GLMN: variants seen among roughly 807,000 people sequenced by gnomAD.
GLMN encodes glomulin, FKBP associated protein.
GLMN carries 75 observed loss-of-function variants against 87.8 expected under a neutral mutation model. The observed-to-expected ratio is 0.85, with a 90% CI of 0.71 to 1.04. The LOEUF is 1.04. Ranked by LOEUF, GLMN falls within the 50% of genes least tolerant of loss-of-function variation. The pLI is 0.00. For synonymous variants in GLMN, 206 were observed against 221.6 expected (o/e 0.93, Z 0.63); for missense variants, 588 against 658.8 (o/e 0.89, Z 1.18).
chr1:92,307,243 C>T, the GLMN span: 3 of 1,612,238 alleles, frequency 1.9e-6, no homozygotes, highest in Non-Finnish European at 2.5e-6. Context: ...GCACAAATTC[C>T]CAAAACTCCA....
intron 16 of GLMN, among the ~76,000 whole-genome samples, chr1:92,261,834 CAG>C (rs1655088536): frequency 6.6e-6 from 1 of 151,858 alleles, no homozygotes; most frequent in African/African-American, 2.4e-5. Context: ...GAGTGATAGA[CAG>C]AGGGTGGAGT....
chr1:92,331,817 G>A, the GLMN span, among the ~76,000 whole-genome samples: 3 of 151,852 alleles, frequency 2.0e-5, no homozygotes, highest in Admixed American at 2.0e-4. Flanking sequence ...ACTTCTCTTA[G>A]TATCAGTTGA....
intron 7 of GLMN, among the ~76,000 whole-genome samples, chr1:92,279,973 C>T (rs578026178): frequency 1.3e-5 from 2 of 152,358 alleles, no homozygotes; most frequent in Non-Finnish European, 2.9e-5. Flanking sequence ...ACAAACTGGG[C>T]GGAGCCCACC....
chr1:92,370,048 C>G, the GLMN span, among the ~76,000 whole-genome samples: 1 of 152,076 alleles, frequency 6.6e-6, no homozygotes, highest in African/African-American at 2.4e-5. Context: ...CCATGCCCAG[C>G]TAATTTTTGT....
chr1:92,275,124 C>A (rs946427500), intron 7 of GLMN, among the ~76,000 whole-genome samples: 1 of 152,224 alleles, frequency 6.6e-6, no homozygotes, highest in Admixed American at 6.5e-5. Context: ...CTCAGTACTA[C>A]TGACTCATGC....
rs151117161 is a variant in GLMN, at chr1:92,287,600, A to C, written c.633-1008T>G. On this transcript the variant is annotated intron_variant, in intron 6 of 18. Transcript: ENST00000370360. ...AAGCAATCTCCCAGCTTGACCTCCC[A>C]AAGTGTTAGGATTACAGGTGCGAGC... is the stretch of plus-strand genomic sequence containing the variant. 1.8e-3 allele frequency among the ~76,000 whole-genome samples: 272 copies of C among 152,184 alleles called. 3 individuals carry two copies. The highest frequency in any genetic ancestry group is 6.0e-3 in the African/African-American group (249 of 41,524).
chr1:92,364,075 A>C, the GLMN span, among the ~76,000 whole-genome samples: 1 of 152,090 alleles, frequency 6.6e-6, no homozygotes, highest in Non-Finnish European at 1.5e-5. Context: ...ATAATGGAGT[A>C]GTCATTGAGA....
chr1:92,261,700 T>G (rs1448055289), intron 16 of GLMN, among the ~76,000 whole-genome samples: 3 of 152,248 alleles, frequency 2.0e-5, no homozygotes, highest in Admixed American at 6.5e-5. Context: ...ATGTAAATTT[T>G]ACTTCAAAGA....
chr1:92,278,192 C>T (rs1647524314), intron 7 of GLMN, among the ~76,000 whole-genome samples: 2 of 152,184 alleles, frequency 1.3e-5, no homozygotes, highest in African/African-American at 4.8e-5. Context: ...GGTTTTTCTA[C>T]ATCACCAGAT....
the GLMN span, among the ~76,000 whole-genome samples, chr1:92,370,812 A>C: frequency 9.9e-5 from 15 of 152,198 alleles, no homozygotes; most frequent in Non-Finnish European, 1.9e-4. Context: ...TTTTGCTGAT[A>C]CTTTCTGCTA....
At chr1:92,266,158 A>G (rs974905927) in intron 13 of GLMN, among the ~76,000 whole-genome samples, 2 of 152,204 alleles carry the variant, frequency 1.3e-5, no homozygotes, top group South Asian at 2.1e-4. Context: ...TTTTAAGTCT[A>G]TTTCAAATTT....
chr1:92,294,588 T>G (rs2101057600), intron 3 of GLMN, among the ~76,000 whole-genome samples: 1 of 152,354 alleles, frequency 6.6e-6, no homozygotes, highest in African/African-American at 2.4e-5. Flanking sequence ...TTTATTTTTT[T>G]TCTTTAATTC....
At chr1:92,340,078 T>C in the GLMN span, among the ~76,000 whole-genome samples, 2 of 152,194 alleles carry the variant, frequency 1.3e-5, no homozygotes, top group South Asian at 4.1e-4. Flanking sequence ...TAAAAAGCTT[T>C]GGGAAAATAA....
chr1:92,346,401 A>G, the GLMN span, among the ~76,000 whole-genome samples: 1 of 152,072 alleles, frequency 6.6e-6, no homozygotes, highest in East Asian at 1.9e-4. Context: ...TGGACTCAAG[A>G]GAGCCACCTG....
the GLMN span, among the ~76,000 whole-genome samples, chr1:92,341,909 C>G: frequency 6.6e-6 from 1 of 152,346 alleles, no homozygotes; most frequent in East Asian, 1.9e-4. Flanking sequence ...TCCCAACGTG[C>G]TAGGATTACA....
chr1:92,329,575 T>G, the GLMN span, among the ~76,000 whole-genome samples: 1 of 152,286 alleles, frequency 6.6e-6, no homozygotes, highest in South Asian at 2.1e-4. Context: ...TTCTGGTATG[T>G]TTCTGCGGTA....
At chr1:92,322,509 G>A in the GLMN span, among the ~76,000 whole-genome samples, 5 of 149,584 alleles carry the variant, frequency 3.3e-5, no homozygotes, top group South Asian at 2.1e-4. Context: ...TTGCCACTGC[G>A]CTCCAGCCTG....
At chr1:92,280,210 G>A (rs1316620334) in intron 7 of GLMN, among the ~76,000 whole-genome samples, 1 of 152,162 alleles carries the variant, frequency 6.6e-6, no homozygotes, top group Non-Finnish European at 1.5e-5. Flanking sequence ...CTGCCAGTAG[G>A]GGGCCGACAG....
the GLMN span, among the ~76,000 whole-genome samples, chr1:92,356,566 G>A: frequency 6.8e-6 from 1 of 146,580 alleles, no homozygotes; most frequent in Admixed American, 6.9e-5. Context: ...TTATAGGTGT[G>A]TGTCACCACT....
Sources: allele counts gnomAD v4.1 joint callset (sites outside exome capture counted in the v4.1 genomes callset), GRCh38; gene constraint gnomAD v4.1.1; transcripts MANE v1.5; gene names NCBI Gene and HGNC (gene_info 2026-07-23, HGNC 2026-07-21).